The following TMEM108 variants were observed in gnomAD, a reference collection of about 807,000 sequenced individuals.
TMEM108 encodes transmembrane protein 108.
In TMEM108, 12 loss-of-function variants were observed where a neutral mutation model predicts 35.1. That is an observed-to-expected ratio of 0.34 (90% CI 0.22 to 0.55). The LOEUF (loss-of-function observed/expected upper bound fraction) is 0.55, where lower values mean the gene tolerates loss of function less well. Ranked by LOEUF, TMEM108 falls within the 20% of genes least tolerant of loss-of-function variation. The probability of loss-of-function intolerance (pLI) is 0.89; values close to 1 mark genes in which losing one functional copy is unlikely to be tolerated. For synonymous variants in TMEM108, 287 were observed against 308.6 expected, an observed-to-expected ratio of 0.93 and a Z score of 0.73; for missense variants, 680 against 753.3, an observed-to-expected ratio of 0.90 and a Z score of 1.14.
At chr3:133,215,757 A>G (rs1267446308) in intron 2 of TMEM108, among the ~76,000 whole-genome samples, 1 of 152,090 alleles carries the variant, frequency 6.6e-6, no homozygotes, top group African/African-American at 2.4e-5. Context: ...AGTAGAATAT[A>G]CCTGTATTTT....
intron 3 of TMEM108, among the ~76,000 whole-genome samples, chr3:133,315,538 C>A (rs932034319): frequency 1.3e-5 from 2 of 152,208 alleles, no homozygotes; most frequent in African/African-American, 2.4e-5. Flanking sequence ...AACACAGATT[C>A]CATAAAGAGC....
intron 2 of TMEM108, among the ~76,000 whole-genome samples, chr3:133,179,885 A>G (rs964346419): frequency 7.5e-5 from 6 of 79,958 alleles, no homozygotes; most frequent in South Asian, 6.7e-4. Flanking sequence ...AGCCTTATCA[A>G]AAAAAAAAAT....
At chr3:133,073,521 T>TATATATAC (rs1943703719) in intron 2 of TMEM108, among the ~76,000 whole-genome samples, 1 of 139,816 alleles carries the variant, frequency 7.2e-6, no homozygotes, top group African/African-American at 2.7e-5. Flanking sequence ...TATATATATA[T>TATATATAC]ATATATATAT....
chr3:133,156,323 G>A (rs924336102), intron 2 of TMEM108, among the ~76,000 whole-genome samples: 2 of 152,104 alleles, frequency 1.3e-5, no homozygotes, highest in Admixed American at 6.6e-5. Flanking sequence ...TATATCTTCA[G>A]GAAGCACAGA....
At chr3:133,079,585 C>A (rs114801200) in intron 2 of TMEM108, among the ~76,000 whole-genome samples, 3 of 152,164 alleles carry the variant, frequency 2.0e-5, no homozygotes, top group African/African-American at 7.2e-5. Flanking sequence ...CAAGGGCACT[C>A]ATCCCATTCT....
intron 2 of TMEM108, among the ~76,000 whole-genome samples, chr3:133,177,064 A>G (rs1204488821): frequency 2.0e-5 from 3 of 152,224 alleles, no homozygotes; most frequent in Admixed American, 2.0e-4. Context: ...TAGAAAATCT[A>G]GAAGAAATGG....
At position 133,346,180 on chromosome 3, in the gene TMEM108, T is replaced by G. The variant is rs1440788908; in HGVS notation, c.41-33572T>G. 6.6e-6 allele frequency among the ~76,000 whole-genome samples: 1 copy of G among 152,006 alleles called. No individual in the cohort carries two copies. Among genetic ancestry groups the G allele is most frequent in the African/African-American group, 2.4e-5 (1 of 41,442 alleles). Reference sequence around the variant, plus strand: ...GGAGCACAATTACTAGATCATACAGTAAGACTATGATTAACTTTGTAAGAA... The same window carrying G: ...GGAGCACAATTACTAGATCATACAGGAAGACTATGATTAACTTTGTAAGAA... On this transcript the variant is annotated intron_variant, in intron 3 of 5. Coordinates refer to ENST00000321871, the MANE Select transcript of TMEM108 (RefSeq NM_023943.4). This position sits in a 1 kb window ranked among gnomAD's most constrained non-coding sequence, Gnocchi z 4.0.
At position 133,057,479 on chromosome 3, in the gene TMEM108, A is replaced by ATATATC. The variant is rs1481436353; in HGVS notation, c.-47+11464_-47+11465insCTATAT. Among the ~76,000 whole-genome samples the ATATATC allele has an allele frequency of 1.2e-4, 9 of 73,148 alleles. 1 individual carries two copies. Among genetic ancestry groups the ATATATC allele is most frequent in the African/African-American group, 4.0e-4 (8 of 19,902 alleles). 48.0% of individuals were successfully genotyped at this position (73,148 alleles called of 152,430 possible). A position where few individuals can be genotyped will look rare whatever the true frequency, so the allele number is the denominator to read the frequency against. On this transcript the variant is annotated intron_variant, in intron 2 of 5. Coordinates refer to ENST00000321871, the MANE Select transcript of TMEM108 (RefSeq NM_023943.4). The stretch of plus-strand genomic sequence containing the variant: ...TATATATATATATATATATATATAT[A>ATATATC]TATATATGTGGGTTTTCATGGAATT...
chr3:133,050,731 T>G (rs968464528), intron 2 of TMEM108, among the ~76,000 whole-genome samples: 5 of 151,786 alleles, frequency 3.3e-5, no homozygotes, highest in African/African-American at 1.2e-4. Flanking sequence ...ACTATCTCCA[T>G]AGTTTTGCCT....
At chr3:133,116,790 T>A (rs1470139780) in intron 2 of TMEM108, among the ~76,000 whole-genome samples, 1 of 152,224 alleles carries the variant, frequency 6.6e-6, no homozygotes, top group South Asian at 2.1e-4. Context: ...TTATTTATTT[T>A]TTGAGACAGA....
intron 3 of TMEM108, among the ~76,000 whole-genome samples, chr3:133,358,554 G>A (rs895946188): frequency 2.6e-5 from 4 of 152,140 alleles, no homozygotes; most frequent in Non-Finnish European, 5.9e-5. Flanking sequence ...GCATGAGAAT[G>A]TGCTGCACGG....
At chr3:133,060,249 C>G (rs988198613) in intron 2 of TMEM108, among the ~76,000 whole-genome samples, 1 of 152,128 alleles carries the variant, frequency 6.6e-6, no homozygotes, top group African/African-American at 2.4e-5. Context: ...GGGGAGCTGC[C>G]TTGTGGTCTG....
At chr3:133,334,950 T>C (rs1040481596) in intron 3 of TMEM108, among the ~76,000 whole-genome samples, 1 of 152,182 alleles carries the variant, frequency 6.6e-6, no homozygotes, top group Non-Finnish European at 1.5e-5. Flanking sequence ...GGTAAGCCCT[T>C]TATCAAGCCC....
At chr3:133,068,517 C>G (rs947139186) in intron 2 of TMEM108, among the ~76,000 whole-genome samples, 1 of 151,848 alleles carries the variant, frequency 6.6e-6, no homozygotes, top group Non-Finnish European at 1.5e-5. Context: ...ACCTCCTAGT[C>G]AGGGTAAGGA....
At chr3:133,175,933 T>C (rs200192811) in intron 2 of TMEM108, among the ~76,000 whole-genome samples, 31,175 of 151,484 alleles carry the variant, frequency 0.21, 3,479 homozygotes, top group East Asian at 0.47. Context: ...ACCCATCTCA[T>C]GTGCAGAGAC....
chr3:133,323,774 T>C (rs1307469519), intron 3 of TMEM108, among the ~76,000 whole-genome samples: 1 of 152,164 alleles, frequency 6.6e-6, no homozygotes, highest in African/African-American at 2.4e-5. Context: ...GACTTCAAAC[T>C]ATACTACCAG....
intron 3 of TMEM108, among the ~76,000 whole-genome samples, chr3:133,367,374 A>G (rs995316261): frequency 6.6e-6 from 1 of 152,238 alleles, no homozygotes; most frequent in African/African-American, 2.4e-5. Flanking sequence ...GAGGAGGGAA[A>G]AGGAGAAGAA....
chr3:133,087,903 A>G (rs17294833), intron 2 of TMEM108, among the ~76,000 whole-genome samples: 13,104 of 152,172 alleles, frequency 0.086, 684 homozygotes, highest in East Asian at 0.12. Context: ...TCGAGGCCCA[A>G]CTACGTGGTG....
intron 3 of TMEM108, among the ~76,000 whole-genome samples, chr3:133,342,313 T>G (rs1170516684): frequency 6.6e-6 from 1 of 151,012 alleles, no homozygotes; most frequent in South Asian, 2.1e-4. Flanking sequence ...ACCGGGTGAC[T>G]CTAGTCAAAA....
Sources: allele counts gnomAD v4.1 joint callset (sites outside exome capture counted in the v4.1 genomes callset), GRCh38; gene constraint gnomAD v4.1.1; non-coding constraint Gnocchi (gnomAD v3.1); transcripts MANE v1.5; gene names NCBI Gene and HGNC (gene_info 2026-07-23, HGNC 2026-07-21).